Variants in OSBPL9 observed in about 807,000 individuals in gnomAD.
OSBPL9 encodes oxysterol binding protein like 9.
Under a neutral mutation model 106.6 loss-of-function variants are expected in OSBPL9, and 40 were observed. The ratio of observed to expected loss-of-function variants is 0.38; its 90% CI spans 0.29 to 0.49. OSBPL9 has a LOEUF of 0.49. Ranked by LOEUF, OSBPL9 falls within the 20% of genes least tolerant of loss-of-function variation. The probability of loss-of-function intolerance (pLI) is 0.97; values close to 1 mark genes in which losing one functional copy is unlikely to be tolerated. For missense variants in OSBPL9, 609 were observed against 887.2 expected (o/e 0.69, Z 3.98); for synonymous variants, 269 against 295.4 (o/e 0.91, Z 0.92).
chr1:51,584,415 A>G (rs1557575595), intron 1 of OSBPL9, among the ~76,000 whole-genome samples: 1 of 152,168 alleles, frequency 6.6e-6, no homozygotes, highest in African/African-American at 2.4e-5. Flanking sequence ...GTTGGATTCT[A>G]AAGGCCTTGC....
chr1:51,552,523 A>G, the OSBPL9 span, among the ~76,000 whole-genome samples: 2 of 152,236 alleles, frequency 1.3e-5, no homozygotes, highest in African/African-American at 4.8e-5. Flanking sequence ...ACCAATATGA[A>G]AAAGTACCTT....
At chr1:51,596,384 A>T (rs891304240) in intron 1 of OSBPL9, among the ~76,000 whole-genome samples, 4 of 151,754 alleles carry the variant, frequency 2.6e-5, no homozygotes, top group African/African-American at 9.7e-5. Context: ...ACATGGTGAA[A>T]CCCCGTCTCT....
chr1:51,669,690 G>T, intron 3 of OSBPL9, 178 bp downstream of exon 3: 3 of 624,348 alleles, frequency 4.8e-6, no homozygotes, highest in Middle Eastern at 2.6e-4. Flanking sequence ...ATCTGCAATG[G>T]ATGTAGATCG....
chr1:51,783,455 G>C (rs1435480542), intron 17 of OSBPL9, among the ~76,000 whole-genome samples: 1 of 151,936 alleles, frequency 6.6e-6, no homozygotes, highest in Non-Finnish European at 1.5e-5. Context: ...CAAAGTACTG[G>C]GATTGCAGGC....
chr1:51,629,664 T>C (rs1644988137), intron 1 of OSBPL9, among the ~76,000 whole-genome samples: 1 of 152,114 alleles, frequency 6.6e-6, no homozygotes, highest in African/African-American at 2.4e-5. Context: ...AATTCACTAA[T>C]GTGGCTCGGT....
At chr1:51,676,514 C>T (rs190273751) in intron 3 of OSBPL9, among the ~76,000 whole-genome samples, 61 of 151,620 alleles carry the variant, frequency 4.0e-4, no homozygotes, top group East Asian at 1.5e-3. Flanking sequence ...GCTAATTAGC[C>T]GGGAGTGGTG....
chr1:51,771,394 C>T (rs1005003200), intron 12 of OSBPL9, among the ~76,000 whole-genome samples: 3 of 152,182 alleles, frequency 2.0e-5, no homozygotes, highest in African/African-American at 7.2e-5. Flanking sequence ...ACTTGGGTGG[C>T]TGAGGTGGGA....
At chr1:51,713,164 T>TAAA (rs1337661828) in intron 3 of OSBPL9, among the ~76,000 whole-genome samples, 2 of 152,116 alleles carry the variant, frequency 1.3e-5, no homozygotes, top group Non-Finnish European at 2.9e-5. Context: ...TATTTATTTA[T>TAAA]TTTGAGACAG....
intron 21 of OSBPL9, chr1:51,786,298 G>C: frequency 2.1e-6 from 1 of 478,264 alleles, no homozygotes. Flanking sequence ...TGGCACCAGA[G>C]ATACCAAAAT....
chr1:51,652,556 G>C (rs1197658558), intron 2 of OSBPL9, among the ~76,000 whole-genome samples: 1 of 152,020 alleles, frequency 6.6e-6, no homozygotes, highest in African/African-American at 2.4e-5. Flanking sequence ...ATTTTATCTA[G>C]GTCAGTATAT....
At chr1:51,787,538 T>A (rs1204804326) in intron 23 of OSBPL9, 50 bp downstream of exon 23, 1 of 1,609,984 alleles carries the variant, frequency 6.2e-7, no homozygotes, top group South Asian at 1.1e-5. Flanking sequence ...CTAATTTATT[T>A]CAGTGAATGT....
intron 16 of OSBPL9, 144 bp from the exon 17 acceptor site, chr1:51,782,415 A>G: frequency 1.7e-6 from 1 of 591,572 alleles, no homozygotes; most frequent in Admixed American, 3.0e-5. Context: ...AGCAATTAAA[A>G]TATTGTAGTT....
At chr1:51,676,784 T>G (rs776371074) in intron 3 of OSBPL9, among the ~76,000 whole-genome samples, 4 of 152,056 alleles carry the variant, frequency 2.6e-5, no homozygotes, top group Non-Finnish European at 5.9e-5. Context: ...ATGTTGTACA[T>G]GATAAATACA....
At chr1:51,611,957 C>T (rs1479049053) in intron 2 of OSBPL9, among the ~76,000 whole-genome samples, 1 of 152,040 alleles carries the variant, frequency 6.6e-6, no homozygotes, top group Non-Finnish European at 1.5e-5. Flanking sequence ...CCTGGGTGAC[C>T]GAGTGAGACT....
chr1:51,769,219 T>C (rs1197042667), intron 12 of OSBPL9, among the ~76,000 whole-genome samples: 3 of 152,182 alleles, frequency 2.0e-5, no homozygotes, highest in Non-Finnish European at 4.4e-5. Context: ...CAAATTTCTT[T>C]TTACTATTTT....
chr1:51,668,991 A>G (rs1043886372), intron 2 of OSBPL9, among the ~76,000 whole-genome samples: 1 of 152,216 alleles, frequency 6.6e-6, no homozygotes, highest in Non-Finnish European at 1.5e-5. Context: ...GTCACCTGGC[A>G]TTTCTACACT....
intron 1 of OSBPL9, among the ~76,000 whole-genome samples, chr1:51,637,229 C>A (rs575291835): frequency 6.6e-6 from 1 of 152,144 alleles, no homozygotes; most frequent in Non-Finnish European, 1.5e-5. Context: ...TGTTGGCTCA[C>A]GCCTGTAATC....
chr1:51,678,490 G>A (rs568921433), intron 3 of OSBPL9, among the ~76,000 whole-genome samples: 88 of 152,078 alleles, frequency 5.8e-4, no homozygotes, highest in African/African-American at 2.0e-3. Flanking sequence ...GGGAAACCCC[G>A]TCTCTACTAA....
intron 17 of OSBPL9, among the ~76,000 whole-genome samples, chr1:51,783,135 GTAAATAGTTGT>G (rs1378125130): frequency 1.3e-5 from 2 of 152,026 alleles, no homozygotes; most frequent in Non-Finnish European, 2.9e-5. Context: ...TAAATGCTAT[GTAAATAGTTGT>G]TTCACTATTT....
Sources: gnomAD v4.1 joint callset for allele counts (sites outside exome capture counted in the v4.1 genomes callset) on GRCh38, gnomAD v4.1.1 for gene constraint, MANE v1.5 for transcripts, NCBI Gene and HGNC (gene_info 2026-07-23, HGNC 2026-07-21) for gene names.